The following PPP1R10 variants were observed in gnomAD, a reference collection of about 807,000 sequenced individuals.
PPP1R10 encodes the protein serine/threonine-protein phosphatase 1 regulatory subunit 10.
PPP1R10 carries 15 observed loss-of-function variants against 99.0 expected under a neutral mutation model. The ratio of observed to expected loss-of-function variants is 0.15; its 90% CI spans 0.10 to 0.23. The LOEUF (loss-of-function observed/expected upper bound fraction) is 0.23. Among genes scored for constraint, PPP1R10 ranks in the 10% least tolerant of loss-of-function variants. The pLI, the probability that PPP1R10 is intolerant of heterozygous loss-of-function variation, is 1.00. For synonymous variants in PPP1R10, 430 were observed against 449.5 expected (o/e 0.96, Z 0.55); for missense variants, 947 against 1,259.4 (o/e 0.75, Z 3.75).
In PPP1R10 at chr6:30,609,654, T is replaced by C. The variant is rs967091611; in HGVS notation, c.107+184A>G. Among the ~76,000 whole-genome samples the C allele has an allele frequency of 1.3e-5, 2 of 152,352 alleles. No individual in the cohort carries two copies. Among genetic ancestry groups the C allele is most frequent in the East Asian group, 3.9e-4 (2 of 5,192 alleles). ...ACGTCCAAATCTCCAGTTTCCATTA[T>C]GGTCAGAAACAAGTGATCATCTTTT... On this transcript the variant is annotated intron_variant, in intron 3 of 19. Transcript: ENST00000376511. This position sits in a 1 kb window ranked among gnomAD's most constrained non-coding sequence, Gnocchi z 4.5.
intron 2 of PPP1R10, among the ~76,000 whole-genome samples, chr6:30,612,302 G>A (rs1283813903): frequency 6.6e-6 from 1 of 152,088 alleles, no homozygotes; most frequent in Non-Finnish European, 1.5e-5. Context: ...CCAATAAATA[G>A]ACCTACTACC....
chr6:30,603,878 T>C, intron 14 of PPP1R10, 35 bp from the exon 15 acceptor site: 3 of 1,524,008 alleles, frequency 2.0e-6, no homozygotes, highest in Non-Finnish European at 2.6e-6. Context: ...GAAAAAAGAA[T>C]GATAGTCAAG....
At position 30,601,360 on chromosome 6, in the gene PPP1R10, G is replaced by A. The variant is rs1472949660; in HGVS notation, c.*189C>T. The A allele has an allele frequency of 3.4e-6, 2 of 588,160 alleles. No homozygotes were observed. The highest frequency in any genetic ancestry group is 2.1e-5 in the South Asian group (1 of 46,964). The allele number at this position is 588,160 out of a possible 1,614,324, so 36.4% of individuals were successfully genotyped here. Reference sequence around the variant, plus strand: ...AGTCTCTCTCCTCCCCAGACTGGAGGAAAATATGTACATCAATGCGCACCA... The same window carrying A: ...AGTCTCTCTCCTCCCCAGACTGGAGAAAAATATGTACATCAATGCGCACCA... On this transcript the variant is annotated 3_prime_UTR_variant, in exon 20 of 20. Coordinates refer to ENST00000376511, the MANE Select transcript of PPP1R10 (RefSeq NM_002714.4).
intron 2 of PPP1R10, among the ~76,000 whole-genome samples, chr6:30,615,855 T>C (rs1257387112): frequency 6.6e-6 from 1 of 152,220 alleles, no homozygotes; most frequent in Non-Finnish European, 1.5e-5. Context: ...GCAATCTTTA[T>C]TCCTAGATTG....
chr6:30,603,888 G>A (rs1240458935), intron 14 of PPP1R10, 45 bp from the exon 15 acceptor site: 4 of 1,522,670 alleles, frequency 2.6e-6, no homozygotes, highest in Non-Finnish European at 3.5e-6. Context: ...TGATAGTCAA[G>A]TTATTAATTC....
chr6:30,609,240 G>A lies in PPP1R10; in HGVS notation c.108-77C>T. On this transcript the variant is annotated intron_variant, in intron 3 of 19. Coordinates refer to ENST00000376511, the MANE Select transcript of PPP1R10 (RefSeq NM_002714.4). This position sits in a 1 kb window ranked among gnomAD's most constrained non-coding sequence, Gnocchi z 4.5. ...TAGCAAAAGCGCCTCTCTGTGAACT[G>A]CCTAGAGATTCCTAATGACTTGGGA... The A allele has an allele frequency of 5.2e-6, 7 of 1,337,144 alleles. No individual in the cohort carries two copies. Among genetic ancestry groups the A allele is most frequent in the Non-Finnish European group, 7.5e-6 (7 of 937,106 alleles). 82.8% of individuals were successfully genotyped at this position (1,337,144 alleles called of 1,614,324 possible).
intron 2 of PPP1R10, 85 bp downstream of exon 2, chr6:30,616,391 CAT>C (rs1158757866): frequency 6.6e-6 from 1 of 152,594 alleles, no homozygotes; most frequent in Non-Finnish European, 1.5e-5. Context: ...TCTATGGTCT[CAT>C]TTCTTCCTCT....
chr6:30,611,445 T>A (rs901501937), intron 2 of PPP1R10, among the ~76,000 whole-genome samples: 1 of 152,128 alleles, frequency 6.6e-6, no homozygotes, highest in Non-Finnish European at 1.5e-5. Flanking sequence ...AGCACAGAAG[T>A]AACAGACACA....
intron 6 of PPP1R10, 77 bp downstream of exon 6, chr6:30,607,763 G>C (rs1804101558): frequency 1.4e-5 from 20 of 1,481,184 alleles, no homozygotes; most frequent in Non-Finnish European, 1.5e-5. Context: ...GACAATCCAA[G>C]GATGGGAAAA....
In PPP1R10 at chr6:30,609,586, T is replaced by C. The variant is rs1185917136; in HGVS notation, c.107+252A>G. ...ACAATCTAGAATTCTGTTACCAGGC[T>C]ACCCTGCTCTCATTCCAAAGCATGA... On this transcript the variant is annotated intron_variant, in intron 3 of 19. Coordinates refer to ENST00000376511, the MANE Select transcript of PPP1R10 (RefSeq NM_002714.4). This position sits in a 1 kb window ranked among gnomAD's most constrained non-coding sequence, Gnocchi z 4.5. 6.6e-6 allele frequency among the ~76,000 whole-genome samples: 1 copy of C among 152,214 alleles called. No individual in the cohort carries two copies. Among genetic ancestry groups the C allele is most frequent in the Non-Finnish European group, 1.5e-5 (1 of 68,022 alleles).
intron 6 of PPP1R10, 50 bp downstream of exon 6, chr6:30,607,790 A>G (rs1327363656): frequency 6.4e-7 from 1 of 1,552,778 alleles, no homozygotes; most frequent in Non-Finnish European, 8.9e-7. Context: ...AAGGTAATTA[A>G]GTGGAAGTAA....
In PPP1R10 at chr6:30,602,019, G is replaced by A. The variant is rs752790927; in HGVS notation, c.2630C>T (p.Pro877Leu). The A allele has an allele frequency of 6.5e-7, 1 of 1,535,224 alleles. No homozygotes were observed. The highest frequency in any genetic ancestry group is 8.8e-7 in the Non-Finnish European group (1 of 1,138,810). Residue 877 changes from proline to leucine, a missense_variant, in exon 19 of 20, where the codon CCT becomes CTT. Physicochemically the swap from Pro to Leu is moderately conservative, Grantham distance 98. Around this residue, in one of 10 missense-constraint regions of PPP1R10, gnomAD observed 525 missense variants for 578.8 expected, o/e 0.91. Coordinates refer to ENST00000376511, the MANE Select transcript of PPP1R10 (RefSeq NM_002714.4). The surrounding 1 kb of genome is among the most constrained non-coding windows in gnomAD (Gnocchi z 6.7). Reference protein sequence around the residue: ...HRGHDHRGPPPHEHRGHDGPG... With the variant: ...HRGHDHRGPPLHEHRGHDGPG... ...ACCATCATGGCCACGGTGCTCATGA[G>A]GTGGCGGCCCTCGATGGTCATGGCC...
chr6:30,606,916 A>G lies in PPP1R10; in HGVS notation c.383-60T>C. The G allele has an allele frequency of 7.0e-7, 1 of 1,421,470 alleles. No individual in the cohort carries two copies. 88.1% of individuals were successfully genotyped at this position (1,421,470 alleles called of 1,614,324 possible). A position where few individuals can be genotyped will look rare whatever the true frequency, so the allele number is the denominator to read the frequency against. On this transcript the variant is annotated intron_variant, in intron 6 of 19. Transcript: ENST00000376511. This position sits in a 1 kb window ranked among gnomAD's most constrained non-coding sequence, Gnocchi z 6.3. ...TGTAAAGTAACATTCTTCCAGGAAC[A>G]GAAAATGGGAGGTTTGAGAAAATAT...
At chr6:30,612,415 T>C (rs1804651331) in intron 2 of PPP1R10, among the ~76,000 whole-genome samples, 1 of 152,158 alleles carries the variant, frequency 6.6e-6, no homozygotes, top group Non-Finnish European at 1.5e-5. Context: ...AATGGACCAA[T>C]GAGTACAAAG....
intron 2 of PPP1R10, among the ~76,000 whole-genome samples, chr6:30,613,873 A>G (rs1302789294): frequency 6.6e-6 from 1 of 151,320 alleles, no homozygotes; most frequent in African/African-American, 2.5e-5. Flanking sequence ...GAAAAAAACA[A>G]AACAAAACAA....
Position 30,604,385 on chromosome 6 carries a change from T to C in PPP1R10, c.1229A>G (p.Tyr410Cys). The C allele has an allele frequency of 6.2e-7, 1 of 1,614,092 alleles. No individual in the cohort carries two copies. Among genetic ancestry groups the C allele is most frequent in the Non-Finnish European group, 8.5e-7 (1 of 1,180,028 alleles). Residue 410 changes from tyrosine (Y) to cysteine (C), a missense_variant, in exon 13 of 20, where the codon TAT becomes TGT. By Grantham distance (194) the Tyr-to-Cys change is radical. Transcript: ENST00000376511. This position sits in a 1 kb window ranked among gnomAD's most constrained non-coding sequence, Gnocchi z 7.3. Reference sequence around the variant, plus strand: ...AGTTTCATCCAATTCAAAATAGAAATATTCTCTCAGTTTGCCTTCCTCAGG... The same window carrying C: ...AGTTTCATCCAATTCAAAATAGAAACATTCTCTCAGTTTGCCTTCCTCAGG... Reference protein sequence around the residue: ...TWPEEGKLREYFYFELDETER... With the variant: ...TWPEEGKLRECFYFELDETER...
In PPP1R10 at chr6:30,606,893, T is replaced by C; in HGVS notation, c.383-37A>G. 6.5e-7 allele frequency: 1 copy of C among 1,532,324 alleles called. No individual in the cohort carries two copies. Among genetic ancestry groups the C allele is most frequent in the Non-Finnish European group, 9.0e-7 (1 of 1,108,796 alleles). The allele number at this position is 1,532,324 out of a possible 1,614,324, so 94.9% of individuals were successfully genotyped here. On this transcript the variant is annotated intron_variant, in intron 6 of 19. Transcript: ENST00000376511. This position sits in a 1 kb window ranked among gnomAD's most constrained non-coding sequence, Gnocchi z 6.3. ...AGAAAGGGGAAATGCCTAAATAATG[T>C]AAAGTAACATTCTTCCAGGAACAGA...
chr6:30,608,166 T>C (rs981522710), intron 5 of PPP1R10, among the ~76,000 whole-genome samples: 1 of 152,044 alleles, frequency 6.6e-6, no homozygotes, highest in Non-Finnish European at 1.5e-5. Context: ...ATTTTTTGTA[T>C]TTTTTGTAGA....
intron 2 of PPP1R10, among the ~76,000 whole-genome samples, chr6:30,613,641 G>C (rs1269399657): frequency 2.0e-5 from 3 of 152,070 alleles, no homozygotes; most frequent in Non-Finnish European, 4.4e-5. Flanking sequence ...CATAGAAAAA[G>C]ACCCCAGACT....
Sources: allele counts gnomAD v4.1 joint callset (sites outside exome capture counted in the v4.1 genomes callset), GRCh38; gene constraint gnomAD v4.1.1; regional missense constraint gnomAD v4.1.1; non-coding constraint Gnocchi (gnomAD v3.1); transcripts MANE v1.5; gene names NCBI Gene and HGNC (gene_info 2026-07-23, HGNC 2026-07-21).